CTNNA2: variants seen among roughly 807,000 people sequenced by gnomAD.
The protein encoded by CTNNA2 is catenin alpha-2.
Under a neutral mutation model 101.0 loss-of-function variants are expected in CTNNA2, and 42 were observed. The observed-to-expected ratio is 0.42, with a 90% CI of 0.32 to 0.54. The LOEUF is 0.54. Among genes scored for constraint, CTNNA2 ranks in the 20% least tolerant of loss-of-function variants. The probability of loss-of-function intolerance (pLI) is 0.14; values close to 1 mark genes in which losing one functional copy is unlikely to be tolerated. For synonymous variants in CTNNA2, 450 were observed against 456.4 expected, an observed-to-expected ratio of 0.99 and a Z score of 0.18; for missense variants, 871 against 1,223.1, an observed-to-expected ratio of 0.71 and a Z score of 4.29.
chr2:80,232,619 G>A (rs933440014), intron 7 of CTNNA2, among the ~76,000 whole-genome samples: 2 of 151,948 alleles, frequency 1.3e-5, no homozygotes, highest in African/African-American at 4.8e-5. Flanking sequence ...GGCCATTTTT[G>A]TGCCATGTGC....
At chr2:79,957,696 A>C (rs1689335687) in intron 7 of CTNNA2, among the ~76,000 whole-genome samples, 1 of 152,134 alleles carries the variant, frequency 6.6e-6, no homozygotes, top group African/African-American at 2.4e-5. Context: ...CCTGCACTGG[A>C]TTCTCATTCC....
chr2:79,398,483 T>C (rs1428585677), intron 4 of CTNNA2, among the ~76,000 whole-genome samples: 1 of 151,810 alleles, frequency 6.6e-6, no homozygotes, highest in Non-Finnish European at 1.5e-5. Context: ...GTCCCAAGAG[T>C]TTCCATTTAA....
At chr2:80,213,842 G>C (rs963364170) in intron 7 of CTNNA2, among the ~76,000 whole-genome samples, 1 of 152,082 alleles carries the variant, frequency 6.6e-6, no homozygotes, top group African/African-American at 2.4e-5. Flanking sequence ...TTATTATGTG[G>C]GAGTCTAAGT....
intron 1 of CTNNA2, among the ~76,000 whole-genome samples, chr2:79,602,519 G>C (rs1677614138): frequency 6.6e-6 from 1 of 152,148 alleles, no homozygotes; most frequent in African/African-American, 2.4e-5. Flanking sequence ...GCACATGATA[G>C]TGATACGTGG....
intron 18 of CTNNA2, among the ~76,000 whole-genome samples, chr2:80,624,172 G>C (rs1671429793): frequency 6.6e-6 from 1 of 151,838 alleles, no homozygotes; most frequent in Non-Finnish European, 1.5e-5. Context: ...ATAATCCAGA[G>C]TAACATTTGT....
intron 9 of CTNNA2, among the ~76,000 whole-genome samples, chr2:80,542,429 C>CTT (rs1262730247): frequency 1.3e-5 from 2 of 151,602 alleles, no homozygotes; most frequent in African/African-American, 4.9e-5. Flanking sequence ...AATGGCTGAC[C>CTT]TTTTCTTTTT....
intron 7 of CTNNA2, among the ~76,000 whole-genome samples, chr2:80,070,154 G>T (rs532699086): frequency 6.6e-6 from 1 of 152,312 alleles, no homozygotes; most frequent in Non-Finnish European, 1.5e-5. Context: ...TAGTGGGTGA[G>T]ATGATTCTAA....
intron 7 of CTNNA2, among the ~76,000 whole-genome samples, chr2:80,114,965 G>A (rs1293960599): frequency 6.6e-6 from 1 of 152,166 alleles, no homozygotes; most frequent in African/African-American, 2.4e-5. Context: ...ACCTCATGAG[G>A]TTGGCATTAT....
Position 80,292,633 on chromosome 2 carries a change from G to T in CTNNA2, c.1057-100578G>T, listed in dbSNP as rs574734167. Reference sequence around the variant, plus strand: ...TCAAGAAGAAGTGGAGGCCTCTTCTGCATACTCTCATGGTGAGTCTGATAG... The same window carrying T: ...TCAAGAAGAAGTGGAGGCCTCTTCTTCATACTCTCATGGTGAGTCTGATAG... On this transcript the variant is annotated intron_variant, in intron 7 of 18. Coordinates refer to ENST00000402739, the MANE Select transcript of CTNNA2 (RefSeq NM_001282597.3). Among the ~76,000 whole-genome samples the T allele has an allele frequency of 1.1e-4, 16 of 152,262 alleles. No individual in the cohort carries two copies. The South Asian group carries it at 3.3e-3, about 32-fold the overall frequency.
intron 7 of CTNNA2, among the ~76,000 whole-genome samples, chr2:79,963,027 C>A (rs954203261): frequency 7.4e-6 from 1 of 134,860 alleles, no homozygotes; most frequent in Non-Finnish European, 1.5e-5. Flanking sequence ...GCTGAGATTG[C>A]GCCACTGCAC....
chr2:80,235,581 G>T (rs1206500812), intron 7 of CTNNA2, among the ~76,000 whole-genome samples: 1 of 152,170 alleles, frequency 6.6e-6, no homozygotes, highest in Non-Finnish European at 1.5e-5. Flanking sequence ...ACTCACACAG[G>T]TTAATTCAGG....
chr2:80,301,250 A>G (rs1370702113), intron 7 of CTNNA2, among the ~76,000 whole-genome samples: 1 of 152,184 alleles, frequency 6.6e-6, no homozygotes, highest in Non-Finnish European at 1.5e-5. Flanking sequence ...AGTCTTAGCA[A>G]TGTGCTCCAG....
chr2:80,143,461 C>G (rs1373454932), intron 7 of CTNNA2, among the ~76,000 whole-genome samples: 1 of 152,082 alleles, frequency 6.6e-6, no homozygotes, highest in Non-Finnish European at 1.5e-5. Context: ...TCTCTTTTAG[C>G]TATTTTGAAA....
chr2:80,211,766 T>G (rs541098022), intron 7 of CTNNA2, among the ~76,000 whole-genome samples: 21 of 152,334 alleles, frequency 1.4e-4, no homozygotes, highest in African/African-American at 5.1e-4. Flanking sequence ...AAGTCATTGG[T>G]AGCTTGATGG....
At chr2:79,713,281 G>A (rs900289911) in intron 2 of CTNNA2, among the ~76,000 whole-genome samples, 2 of 151,896 alleles carry the variant, frequency 1.3e-5, no homozygotes, top group Non-Finnish European at 2.9e-5. Context: ...TCATTTGGTC[G>A]TTCTAAAAAT....
chr2:79,781,305 G>A (rs892162814), intron 3 of CTNNA2, among the ~76,000 whole-genome samples: 6 of 152,176 alleles, frequency 3.9e-5, no homozygotes, highest in Non-Finnish European at 7.3e-5. Context: ...CTTGGGTTTG[G>A]TGGGTTTTAG....
At chr2:80,090,358 A>G (rs1229115651) in intron 7 of CTNNA2, among the ~76,000 whole-genome samples, 1 of 151,964 alleles carries the variant, frequency 6.6e-6, no homozygotes, top group Non-Finnish European at 1.5e-5. Context: ...TAAAGAATAG[A>G]CAGACAGTCT....
intron 7 of CTNNA2, among the ~76,000 whole-genome samples, chr2:80,354,215 A>C (rs2149303859): frequency 6.6e-6 from 1 of 152,270 alleles, no homozygotes; most frequent in Middle Eastern, 3.4e-3. Flanking sequence ...CAAATAAGAC[A>C]GAAATTAAAA....
intron 3 of CTNNA2, among the ~76,000 whole-genome samples, chr2:79,341,497 A>T (rs1456999450): frequency 1.3e-5 from 2 of 152,124 alleles, no homozygotes; most frequent in African/African-American, 2.4e-5. Flanking sequence ...TGACTCCTTC[A>T]CTCAGTGTTA....
Sources: gnomAD v4.1 joint callset for allele counts (sites outside exome capture counted in the v4.1 genomes callset) on GRCh38, gnomAD v4.1.1 for gene constraint, MANE v1.5 for transcripts, NCBI Gene and HGNC (gene_info 2026-07-23, HGNC 2026-07-21) for gene names.